PCDHGA4: variants seen among roughly 807,000 people sequenced by gnomAD.
The protein encoded by PCDHGA4 is protocadherin gamma-A4.
In PCDHGA4, 38 loss-of-function variants were observed where a neutral mutation model predicts 54.6. That is an observed-to-expected ratio of 0.70 (90% CI 0.54 to 0.91). PCDHGA4 has a LOEUF of 0.91. PCDHGA4 is among the 40% of genes least tolerant of loss of function. The pLI, the probability that PCDHGA4 is intolerant of heterozygous loss-of-function variation, is 0.00. For missense variants in PCDHGA4, 1,298 were observed against 1,220.9 expected, an observed-to-expected ratio of 1.06 and a Z score of -0.94; for synonymous variants, 511 against 512.9, an observed-to-expected ratio of 1.00 and a Z score of 0.05.
Position 141,490,854 on chromosome 5 carries a change from C to T in PCDHGA4, c.2515-3953C>T. On this transcript the variant is annotated intron_variant, in intron 1 of 3. Transcript: ENST00000571252. The surrounding 1 kb of genome is among the most constrained non-coding windows in gnomAD (Gnocchi z 5.4). The stretch of plus-strand genomic sequence containing the variant: ...TGCAGATTGTGGTGGGGGTTCGAGA[C>T]TCCGGCTCTCCCCCATTGCATGCCA... 6.2e-7 allele frequency: 1 copy of T among 1,613,900 alleles called. No homozygotes were observed. The highest frequency in any genetic ancestry group is 8.5e-7 in the Non-Finnish European group (1 of 1,179,914).
rs201139834 is a variant in PCDHGA4 at position 141,371,333 on chromosome 5, T to G, written c.2514+13712T>G. ...GAGAACTGGACTTTGAAGAGAGAGA[T>G]AGCTACACAATTGGGGTGGAAGCAA... On this transcript the variant is annotated intron_variant, in intron 1 of 3. Transcript: ENST00000571252. 80 of 1,613,850 alleles carry G rather than the reference T, an allele frequency of 5.0e-5. No homozygotes were observed. The East Asian group carries it at 1.7e-3, about 34-fold the overall frequency.
At chr5:141,462,823 G>A (rs1420321501) in intron 1 of PCDHGA4, among the ~76,000 whole-genome samples, 1 of 152,170 alleles carries the variant, frequency 6.6e-6, no homozygotes, top group African/African-American at 2.4e-5. Flanking sequence ...TTGGACAGCA[G>A]ACATTGTAAA....
chr5:141,396,326 A>T (rs1198474229), intron 1 of PCDHGA4: 3 of 152,326 alleles, frequency 2.0e-5, no homozygotes, highest in Admixed American at 1.3e-4. Context: ...TCTCTAAAAA[A>T]ACTATTATTA....
In PCDHGA4 at chr5:141,370,422, C is replaced by A. The variant is rs780716652; in HGVS notation, c.2514+12801C>A. 1.9e-6 allele frequency: 3 copies of A among 1,581,408 alleles called. No homozygotes were observed. The South Asian group carries it at 3.5e-5, about 18-fold the overall frequency. ...GGGAAATAGCTCCGGATGGAGGGGC[C>A]CAGCAGGGCAGAGGCGAATGCTATT... On this transcript the variant is annotated intron_variant, in intron 1 of 3. Transcript: ENST00000571252.
intron 1 of PCDHGA4, chr5:141,390,004 T>C (rs749173529): frequency 1.9e-6 from 3 of 1,614,044 alleles, no homozygotes; most frequent in Admixed American, 1.7e-5. Flanking sequence ...GCCATGATTC[T>C]GGCCATTGCC....
rs771088007 is a variant in PCDHGA4 at position 141,423,000 on chromosome 5, G to T, written c.2514+65379G>T. On this transcript the variant is annotated intron_variant, in intron 1 of 3. Coordinates refer to ENST00000571252, the MANE Select transcript of PCDHGA4 (RefSeq NM_018917.4). ...CGGAACCTGGCTACCTGGTGACCAA[G>T]GTGGTTGCGGTGGACAAAGATTCAG... The T allele has an allele frequency of 2.5e-6, 4 of 1,614,116 alleles. No individual in the cohort carries two copies. The African/African-American group carries it at 5.3e-5, about 22-fold the overall frequency.
chr5:141,370,889 T>C, intron 1 of PCDHGA4: 4 of 1,614,040 alleles, frequency 2.5e-6, no homozygotes, highest in Non-Finnish European at 3.4e-6. Context: ...TAGGTGTCAA[T>C]TCGCTGCAGC....
rs112156044 is a variant in PCDHGA4, at chr5:141,476,771, G to T, written c.2515-18036G>T. ...CCAGTTAGTGCTGACGGCGTTGGAC[G>T]GAGGGACCCCAGCTCTCTCCGCCAG... On this transcript the variant is annotated intron_variant, in intron 1 of 3. Coordinates refer to ENST00000571252, the MANE Select transcript of PCDHGA4 (RefSeq NM_018917.4). The surrounding 1 kb of genome is among the most constrained non-coding windows in gnomAD (Gnocchi z 7.6). The T allele has an allele frequency of 6.2e-7, 1 of 1,613,700 alleles. No homozygotes were observed. The highest frequency in any genetic ancestry group is 1.1e-5 in the South Asian group (1 of 91,084).
chr5:141,389,429 G>T, intron 1 of PCDHGA4: 1 of 1,610,654 alleles, frequency 6.2e-7, no homozygotes, highest in East Asian at 2.2e-5. Flanking sequence ...TGTTCGCGCA[G>T]CGCGCCTTCG....
At position 141,431,031 on chromosome 5, in the gene PCDHGA4, A is replaced by C; in HGVS notation, c.2515-63776A>C. Reference sequence around the variant, plus strand: ...AGCTTGGTCACGGCGGGCAGGATAGACCGGGAGGAGCTCTGTATGGGGGCC... The same window carrying C: ...AGCTTGGTCACGGCGGGCAGGATAGCCCGGGAGGAGCTCTGTATGGGGGCC... On this transcript the variant is annotated intron_variant, in intron 1 of 3. Coordinates refer to ENST00000571252, the MANE Select transcript of PCDHGA4 (RefSeq NM_018917.4). This position sits in a 1 kb window ranked among gnomAD's most constrained non-coding sequence, Gnocchi z 4.8. 1 of 1,614,036 alleles carries C rather than the reference A, an allele frequency of 6.2e-7. No homozygotes were observed. The highest frequency in any genetic ancestry group is 8.5e-7 in the Non-Finnish European group (1 of 1,180,000).
intron 1 of PCDHGA4, among the ~76,000 whole-genome samples, chr5:141,464,885 G>T (rs1592925315): frequency 6.6e-6 from 1 of 152,020 alleles, no homozygotes; most frequent in East Asian, 1.9e-4. Flanking sequence ...ACTACAGATG[G>T]ATGCCACCAT....
At chr5:141,360,418 A>G (rs1372151234) in intron 1 of PCDHGA4, 2 of 1,613,992 alleles carry the variant, frequency 1.2e-6, no homozygotes, top group Non-Finnish European at 1.7e-6. Context: ...CCGAGAACAG[A>G]TATGCGGGAA....
chr5:141,456,641 G>A (rs2098873674), intron 1 of PCDHGA4, among the ~76,000 whole-genome samples: 1 of 152,160 alleles, frequency 6.6e-6, no homozygotes, highest in South Asian at 2.1e-4. Context: ...TACTACAGGT[G>A]TTAATCCCAA....
At chr5:141,390,163 C>T (rs376391116) in intron 1 of PCDHGA4, 27 of 1,613,874 alleles carry the variant, frequency 1.7e-5, no homozygotes, top group African/African-American at 2.7e-5. Flanking sequence ...ACAGGAAAGA[C>T]GGAGTTTAAT....
chr5:141,432,463 C>A lies in PCDHGA4; in HGVS notation c.2515-62344C>A, dbSNP rs781407406. On this transcript the variant is annotated intron_variant, in intron 1 of 3. Transcript: ENST00000571252. The surrounding 1 kb of genome is among the most constrained non-coding windows in gnomAD (Gnocchi z 6.0). Reference sequence around the variant, plus strand: ...CCGAGATCCTGTACCCCGCCCTCCCCACGGACGGTTCCACTGGCGTGGAGC... The same window carrying A: ...CCGAGATCCTGTACCCCGCCCTCCCAACGGACGGTTCCACTGGCGTGGAGC... The A allele has an allele frequency of 5.6e-6, 9 of 1,614,120 alleles. No homozygotes were observed. In the Admixed American group the frequency reaches 1.3e-4, roughly 24 times the overall value.
chr5:141,495,080 G>A (rs73794925), intron 2 of PCDHGA4, among the ~76,000 whole-genome samples: 1 of 152,258 alleles, frequency 6.6e-6, no homozygotes, highest in African/African-American at 2.4e-5. Flanking sequence ...TCACATGCTT[G>A]CCCCTTCCCT....
rs1195194477 is a variant in PCDHGA4, at chr5:141,432,620, C to G, written c.2515-62187C>G. On this transcript the variant is annotated intron_variant, in intron 1 of 3. Transcript: ENST00000571252. The surrounding 1 kb of genome is among the most constrained non-coding windows in gnomAD (Gnocchi z 6.0). ...CGAGCCGGGACTCTTCTCGGTGGGTCTGCACACGGGCGAGGTGCGCACGGC... is the reference window on the plus strand; with the variant it reads ...CGAGCCGGGACTCTTCTCGGTGGGTGTGCACACGGGCGAGGTGCGCACGGC... 6 of 1,613,190 alleles carry G rather than the reference C, an allele frequency of 3.7e-6. No individual in the cohort carries two copies. Among genetic ancestry groups the G allele is most frequent in the Admixed American group, 1.7e-5 (1 of 59,978 alleles).
intron 1 of PCDHGA4, chr5:141,478,583 C>G: frequency 6.3e-7 from 1 of 1,578,146 alleles, no homozygotes; most frequent in Non-Finnish European, 8.6e-7. Context: ...CCTGTTAGTG[C>G]TTTTTTATTC....
At chr5:141,453,932 C>T (rs57919166) in intron 1 of PCDHGA4, among the ~76,000 whole-genome samples, 2 of 152,296 alleles carry the variant, frequency 1.3e-5, no homozygotes, top group African/African-American at 4.8e-5. Context: ...TCACTGTGTG[C>T]CTATAATTTA....
Sources: allele counts gnomAD v4.1 joint callset (sites outside exome capture counted in the v4.1 genomes callset), GRCh38; gene constraint gnomAD v4.1.1; non-coding constraint Gnocchi (gnomAD v3.1); transcripts MANE v1.5; gene names NCBI Gene and HGNC (gene_info 2026-07-23, HGNC 2026-07-21).